ARMC2: variants seen among roughly 807,000 people sequenced by gnomAD.
ARMC2 encodes the protein armadillo repeat containing 2, also known as armadillo repeat-containing protein 2.
ARMC2 carries 67 observed loss-of-function variants against 90.3 expected under a neutral mutation model. The ratio of observed to expected loss-of-function variants is 0.74; its 90% CI spans 0.61 to 0.91. ARMC2 has a LOEUF of 0.91. Ranked by LOEUF, ARMC2 falls within the 40% of genes least tolerant of loss-of-function variation. The pLI is 0.00. For missense variants in ARMC2, 920 were observed against 1,030.9 expected (o/e 0.89, Z 1.47); for synonymous variants, 393 against 393.0 (o/e 1.00, Z 0.00).
At chr6:108,889,842 A>G (rs1442990269) in intron 5 of ARMC2, among the ~76,000 whole-genome samples, 1 of 151,798 alleles carries the variant, frequency 6.6e-6, no homozygotes. Context: ...AATCTGTTGA[A>G]TTTCACATTC....
At chr6:108,952,379 T>G (rs1032680715) in intron 12 of ARMC2, among the ~76,000 whole-genome samples, 1 of 152,204 alleles carries the variant, frequency 6.6e-6, no homozygotes, top group African/African-American at 2.4e-5. Flanking sequence ...ATTATAAAGG[T>G]GTCACTCATG....
At chr6:108,887,212 A>G (rs1277582597) in intron 5 of ARMC2, among the ~76,000 whole-genome samples, 1 of 151,988 alleles carries the variant, frequency 6.6e-6, no homozygotes, top group Non-Finnish European at 1.5e-5. Flanking sequence ...ATGCCTGGCT[A>G]ATTTTATAGT....
rs538334107 is a variant in ARMC2 at position 108,863,133 on chromosome 6, T to G, written c.291+4862T>G. Among the ~76,000 whole-genome samples, 621 of 151,964 alleles carry G rather than the reference T, an allele frequency of 4.1e-3. 2 individuals carry two copies. The highest frequency in any genetic ancestry group is 0.014 in the African/African-American group (582 of 41,444). The stretch of plus-strand genomic sequence containing the variant: ...AGCAGAAACACTCTGATTTGTAGGG[T>G]TTTGTTTGTTTGTTTGTTTTGTTTT... On this transcript the variant is annotated intron_variant, in intron 3 of 17. Transcript: ENST00000392644.
chr6:109,019,562 C>T, the ARMC2 span, among the ~76,000 whole-genome samples: 2,807 of 152,246 alleles, frequency 0.018, 35 homozygotes, highest in Non-Finnish European at 0.029. Context: ...CCTTTCAGCC[C>T]TCTTCAAGAA....
chr6:108,983,775 A>T, the ARMC2 span, among the ~76,000 whole-genome samples: 3 of 152,346 alleles, frequency 2.0e-5, no homozygotes, highest in Non-Finnish European at 4.4e-5. Context: ...TACTTCCGTG[A>T]AAAATGCCAT....
rs1774332248 is a variant in ARMC2 at position 108,854,477 on chromosome 6, C to T, written c.210C>T (p.Ser70=). ...GAACATCAGAAAATAGACCTCCTTC[C>T]TCCTTCAGGTATATGGCATTTCACA... ...SSRTSENRPP[S]SFSLHASSFE... The change falls in exon 2 of 18, where the codon TCC becomes TCT. Residue 70 remains serine (S), a synonymous_variant. Coordinates refer to ENST00000392644, the MANE Select transcript of ARMC2 (RefSeq NM_032131.6). The T allele has an allele frequency of 6.2e-7, 1 of 1,613,148 alleles. No individual in the cohort carries two copies. Among genetic ancestry groups the T allele is most frequent in the Non-Finnish European group, 8.5e-7 (1 of 1,179,420 alleles).
rs571006027 is a variant in ARMC2, at chr6:108,868,961, C to T, written c.429C>T (p.Ala143=). 2 of 1,613,780 alleles carry T rather than the reference C, an allele frequency of 1.2e-6. No homozygotes were observed. Among genetic ancestry groups the T allele is most frequent in the African/African-American group, 2.7e-5 (2 of 75,052 alleles). The change falls in exon 4 of 18, where the codon GCC becomes GCT. Residue 143 remains alanine (A), a synonymous_variant. Coordinates refer to ENST00000392644, the MANE Select transcript of ARMC2 (RefSeq NM_032131.6). The stretch of plus-strand genomic sequence containing the variant: ...TATTCAGGGCTGCCTCCCAGCGGGC[C>T]CTTCTGCCGGACAGATCCCTTCCTC... ...ARLFRAASQR[A]LLPDRSLPPS...
the ARMC2 span, among the ~76,000 whole-genome samples, chr6:109,040,353 T>C: frequency 6.6e-6 from 1 of 152,194 alleles, no homozygotes; most frequent in Non-Finnish European, 1.5e-5. Context: ...GGGGGAGTAA[T>C]AATAAATTAC....
At chr6:108,901,447 G>T (rs1315387860) in intron 7 of ARMC2, among the ~76,000 whole-genome samples, 4 of 145,520 alleles carry the variant, frequency 2.7e-5, no homozygotes, top group African/African-American at 1.0e-4. Context: ...ACAGAGTCTT[G>T]CTCTGTTGCC....
intron 5 of ARMC2, among the ~76,000 whole-genome samples, chr6:108,882,380 A>G (rs1284180694): frequency 6.6e-6 from 1 of 151,562 alleles, no homozygotes; most frequent in Non-Finnish European, 1.5e-5. Context: ...CAGAGCTTTC[A>G]GTGAGCCGAG....
At chr6:108,964,138 C>T (rs771066768) in intron 15 of ARMC2, 42 bp from the exon 16 acceptor site, 2 of 1,589,588 alleles carry the variant, frequency 1.3e-6, no homozygotes, top group Non-Finnish European at 8.5e-7. Flanking sequence ...AGCTGGGAAT[C>T]CTGAACTTTT....
At chr6:108,913,493 A>C (rs980645521) in intron 10 of ARMC2, among the ~76,000 whole-genome samples, 10 of 152,208 alleles carry the variant, frequency 6.6e-5, no homozygotes, top group Admixed American at 6.5e-4. Flanking sequence ...GGCTAGGAAG[A>C]CTTCAGAAAC....
intron 5 of ARMC2, among the ~76,000 whole-genome samples, chr6:108,892,781 G>C: frequency 6.6e-6 from 1 of 151,116 alleles, no homozygotes; most frequent in East Asian, 1.9e-4. Context: ...AAAAAAAGGT[G>C]GGGGGAACAT....
At chr6:108,962,267 T>C in intron 15 of ARMC2, 140 bp downstream of exon 15, 3 of 733,254 alleles carry the variant, frequency 4.1e-6, no homozygotes, top group Admixed American at 5.5e-5. Context: ...GGCTCCTGGC[T>C]CAGGATGCCA....
chr6:108,912,431 T>C lies in ARMC2; in HGVS notation c.1223T>C (p.Leu408Pro), dbSNP rs1307220779. 6.2e-7 allele frequency: 1 copy of C among 1,613,846 alleles called. No individual in the cohort carries two copies. The highest frequency in any genetic ancestry group is 8.5e-7 in the Non-Finnish European group (1 of 1,179,692). Reference protein sequence around the residue: ...MGSIKFISGNLGFLNEMISKG... With the variant: ...MGSIKFISGNPGFLNEMISKG... ...TCTATAAAGTTCATTTCTGGAAATCTGGGATTTCTTAATGAAATGATCAGC... is the reference window on the plus strand; with the variant it reads ...TCTATAAAGTTCATTTCTGGAAATCCGGGATTTCTTAATGAAATGATCAGC... The change falls in exon 10 of 18, where the codon CTG becomes CCG. Residue 408 changes from leucine to proline, a missense_variant. By Grantham distance (98) the Leu-to-Pro change is moderately conservative (BLOSUM62 -3). Coordinates refer to ENST00000392644, the MANE Select transcript of ARMC2 (RefSeq NM_032131.6).
intron 5 of ARMC2, among the ~76,000 whole-genome samples, chr6:108,878,608 T>C (rs1422360307): frequency 6.6e-6 from 1 of 152,250 alleles, no homozygotes; most frequent in Non-Finnish European, 1.5e-5. Flanking sequence ...TTTATGCTGG[T>C]TATGGTGGAA....
At chr6:108,881,448 G>C (rs1006049029) in intron 5 of ARMC2, among the ~76,000 whole-genome samples, 1 of 151,852 alleles carries the variant, frequency 6.6e-6, no homozygotes, top group South Asian at 2.1e-4. Flanking sequence ...TATAACAAGG[G>C]GTAATTTGAA....
intron 5 of ARMC2, chr6:108,879,866 G>T (rs1777347074): frequency 3.9e-5 from 18 of 460,958 alleles, no homozygotes. Context: ...ACTTTCAGGG[G>T]CTCAGTTTTC....
chr6:108,965,317 G>A (rs183750115), intron 17 of ARMC2, among the ~76,000 whole-genome samples, 177 bp downstream of exon 17: 15 of 150,782 alleles, frequency 9.9e-5, no homozygotes, highest in African/African-American at 3.4e-4. Flanking sequence ...GCTATTTACA[G>A]TGGGGACAGA....
Sources: allele counts gnomAD v4.1 joint callset (sites outside exome capture counted in the v4.1 genomes callset), GRCh38; gene constraint gnomAD v4.1.1; transcripts MANE v1.5; gene names NCBI Gene and HGNC (gene_info 2026-07-23, HGNC 2026-07-21).